Variants in C2orf76 observed in about 807,000 individuals in gnomAD.
C2orf76 encodes the protein UPF0538 protein C2orf76.
A neutral mutation model predicts 16.9 loss-of-function variants in C2orf76; 23 were observed. The ratio of observed to expected loss-of-function variants is 1.36; its 90% CI spans 0.98 to 1.93. The LOEUF is 1.93. Among genes scored for constraint, C2orf76 ranks in the 30% most tolerant of loss-of-function variants. C2orf76 has a pLI of 0.00. For missense variants in C2orf76, 152 were observed against 152.6 expected (o/e 1.00, Z 0.02); for synonymous variants, 48 against 52.3 (o/e 0.92, Z 0.35).
chr2:119,290,825 G>A, the C2orf76 span, among the ~76,000 whole-genome samples: 2 of 152,000 alleles, frequency 1.3e-5, no homozygotes, highest in Non-Finnish European at 2.9e-5. Context: ...GTGAGACTCC[G>A]CCTCAAAAAA....
chr2:119,287,205 G>C, the C2orf76 span, among the ~76,000 whole-genome samples: 1 of 152,230 alleles, frequency 6.6e-6, no homozygotes, highest in Non-Finnish European at 1.5e-5. Context: ...CTTGATAAAT[G>C]CTGGCTGTTT....
At chr2:119,290,488 GA>G in the C2orf76 span, among the ~76,000 whole-genome samples, 2 of 152,106 alleles carry the variant, frequency 1.3e-5, no homozygotes, top group Non-Finnish European at 2.9e-5. Flanking sequence ...AGGTAAAACT[GA>G]CTAAAGTTAG....
the C2orf76 span, among the ~76,000 whole-genome samples, chr2:119,284,734 G>C: frequency 6.7e-6 from 1 of 149,148 alleles, no homozygotes; most frequent in Non-Finnish European, 1.5e-5. Flanking sequence ...GTTTAAAACT[G>C]AAATTCATAT....
At chr2:119,290,082 AT>A in the C2orf76 span, among the ~76,000 whole-genome samples, 1 of 151,848 alleles carries the variant, frequency 6.6e-6, no homozygotes, top group African/African-American at 2.4e-5. Context: ...CTGCAAAGTA[AT>A]TCCTGCGTCC....
intron 1 of C2orf76, among the ~76,000 whole-genome samples, chr2:119,342,958 T>TG (rs1358676692): frequency 1.3e-5 from 2 of 152,058 alleles, no homozygotes; most frequent in Non-Finnish European, 2.9e-5. Flanking sequence ...TTAGTAGAGA[T>TG]GGGGTTTCAC....
At chr2:119,364,017 C>CA (rs932006086) in intron 1 of C2orf76, among the ~76,000 whole-genome samples, 3 of 138,626 alleles carry the variant, frequency 2.2e-5, no homozygotes, top group Non-Finnish European at 4.8e-5. Context: ...GACCCTGTCT[C>CA]AAAAAAATAG....
chr2:119,281,929 A>G, the C2orf76 span, among the ~76,000 whole-genome samples: 9 of 152,208 alleles, frequency 5.9e-5, no homozygotes, highest in African/African-American at 2.2e-4. Context: ...AACCATCCCC[A>G]GGCCCACTAG....
chr2:119,302,406 C>CA lies in C2orf76; in HGVS notation c.*65dup. 4 of 638,070 alleles carry CA rather than the reference C, an allele frequency of 6.3e-6. No individual in the cohort carries two copies. The highest frequency in any genetic ancestry group is 1.1e-5 in the Non-Finnish European group (4 of 369,170). The allele number at this position is 638,070 out of a possible 1,614,324, so 39.5% of individuals were successfully genotyped here. A position where few individuals can be genotyped will look rare whatever the true frequency, so the allele number is the denominator to read the frequency against. ...TTTTTTAAGATTTGTTTGTCAATTT[C>CA]AAAAATTCAGCAGTGGAATAAAGAG... On this transcript the variant is annotated 3_prime_UTR_variant, in exon 6 of 6. Coordinates refer to ENST00000334816, the MANE Select transcript of C2orf76 (RefSeq NM_001322331.2).
chr2:119,318,122 T>A, intron 3 of C2orf76, among the ~76,000 whole-genome samples: 1 of 152,228 alleles, frequency 6.6e-6, no homozygotes, highest in African/African-American at 2.4e-5. Flanking sequence ...TTTGTTTATC[T>A]TGAAGTCAGG....
chr2:119,364,336 G>C (rs1403187904), intron 1 of C2orf76, among the ~76,000 whole-genome samples: 1 of 152,234 alleles, frequency 6.6e-6, no homozygotes, highest in Non-Finnish European at 1.5e-5. Context: ...TGACAAGTTG[G>C]CTGGTCAGGT....
chr2:119,321,104 A>T (rs746457929), intron 3 of C2orf76, 50 bp downstream of exon 3: 21 of 963,644 alleles, frequency 2.2e-5, no homozygotes, highest in Non-Finnish European at 3.1e-5. Flanking sequence ...GTAACAAACT[A>T]ATGCAAAATT....
chr2:119,352,840 CCTACGTAT>C (rs1455620966), intron 1 of C2orf76, among the ~76,000 whole-genome samples: 1 of 152,088 alleles, frequency 6.6e-6, no homozygotes, highest in Non-Finnish European at 1.5e-5. Context: ...CATATACATA[CCTACGTAT>C]GTATGTATAT....
At chr2:119,340,046 T>G (rs1307763996) in intron 1 of C2orf76, 75 bp from the exon 2 acceptor site, 2,081 of 1,401,682 alleles carry the variant, frequency 1.5e-3, no homozygotes, top group Non-Finnish European at 1.9e-3. Flanking sequence ...CCTGCATCTC[T>G]ATCAGCTCTC....
chr2:119,305,951 A>C (rs1232474782), intron 5 of C2orf76, among the ~76,000 whole-genome samples: 14 of 151,904 alleles, frequency 9.2e-5, no homozygotes, highest in East Asian at 3.9e-4. Flanking sequence ...ACAAAAAAAA[A>C]AAAAAACAAA....
chr2:119,334,404 AG>A, intron 2 of C2orf76, among the ~76,000 whole-genome samples: 1 of 126,636 alleles, frequency 7.9e-6, no homozygotes, highest in Admixed American at 7.7e-5. Context: ...AAAAAAAAAA[AG>A]GTCGGGCACA....
At chr2:119,360,808 A>T (rs1680721344) in intron 1 of C2orf76, among the ~76,000 whole-genome samples, 1 of 152,256 alleles carries the variant, frequency 6.6e-6, no homozygotes, top group East Asian at 1.9e-4. Flanking sequence ...ATAAAAAAGA[A>T]CAAAACTATC....
At chr2:119,364,039 G>GAGAGAGACAGAC in intron 1 of C2orf76, among the ~76,000 whole-genome samples, 1 of 147,680 alleles carries the variant, frequency 6.8e-6, no homozygotes, top group South Asian at 2.2e-4. Flanking sequence ...GAGAGAGAGA[G>GAGAGAGACAGAC]AGACAGACAG....
At chr2:119,298,923 G>A (rs1678575679), downstream of C2orf76, among the ~76,000 whole-genome samples, 1 of 152,046 alleles carries the variant, frequency 6.6e-6, no homozygotes, top group African/African-American at 2.4e-5. Context: ...AATAGTACTG[G>A]CAATAGTGTT....
chr2:119,334,379 CAAAAAAAAAAA>C (rs34753333), intron 2 of C2orf76, among the ~76,000 whole-genome samples: 2 of 71,626 alleles, frequency 2.8e-5, no homozygotes, highest in Non-Finnish European at 4.9e-5. Flanking sequence ...GTATGCAAAG[CAAAAAAAAAAA>C]AAAAAAAAAA....
Sources: allele counts gnomAD v4.1 joint callset (sites outside exome capture counted in the v4.1 genomes callset), GRCh38; gene constraint gnomAD v4.1.1; transcripts MANE v1.5; gene names NCBI Gene and HGNC (gene_info 2026-07-23, HGNC 2026-07-21).